The following ZNF354C variants were observed in gnomAD, a reference collection of about 807,000 sequenced individuals.
ZNF354C encodes the protein zinc finger protein 354C, also known as KRAB-zinc finger protein synten.
In ZNF354C, 7 loss-of-function variants were observed where a neutral mutation model predicts 12.4. The ratio of observed to expected loss-of-function variants is 0.56; its 90% CI spans 0.32 to 1.06. ZNF354C has a LOEUF of 1.06. ZNF354C is among the 50% of genes least tolerant of loss of function. ZNF354C has a pLI of 0.04. For synonymous variants in ZNF354C, 202 were observed against 224.5 expected (o/e 0.90, Z 0.90); for missense variants, 609 against 658.0 (o/e 0.93, Z 0.81).
rs762723780 is a variant in ZNF354C, at chr5:179,078,857, CTCT to C, written c.427_429del (p.Leu143del). 7 of 1,614,056 alleles carry C rather than the reference CTCT, an allele frequency of 4.3e-6. No individual in the cohort carries two copies. Among genetic ancestry groups the C allele is most frequent in the Middle Eastern group, 1.7e-4 (1 of 6,060 alleles). On this transcript the variant is annotated inframe_deletion, in exon 5 of 5. Transcript: ENST00000315475. ...ATAGAAGAAGAGCAAGAGAAGAAAC[CTCT>C]TAGACAAATGATAGATTCGCATGAG...
Position 179,080,119 on chromosome 5 carries a change from G to T in ZNF354C, c.*22G>T, listed in dbSNP as rs568412009. ...TTAGTTCATCTCTCAAATAATCCAA[G>T]ACTTCTCACTGGGGAATAAGGGAAT... is the stretch of plus-strand genomic sequence containing the variant. On this transcript the variant is annotated 3_prime_UTR_variant, in exon 5 of 5. Transcript: ENST00000315475. 1.3e-6 allele frequency: 2 copies of T among 1,486,844 alleles called. No homozygotes were observed. The highest frequency in any genetic ancestry group is 1.4e-5 in the African/African-American group (1 of 71,102). 92.1% of individuals were successfully genotyped at this position (1,486,844 alleles called of 1,614,324 possible).
intron 4 of ZNF354C, 30 bp downstream of exon 4, chr5:179,077,196 G>T: frequency 6.3e-7 from 1 of 1,581,360 alleles, no homozygotes; most frequent in Non-Finnish European, 8.7e-7. Flanking sequence ...ATGGGCACAA[G>T]GGGTTCTTTA....
rs1193690452 is a variant in ZNF354C at position 179,082,014 on chromosome 5, C to A, written c.*1917C>A. The A allele has an allele frequency of 6.6e-6, 1 of 152,068 alleles. No individual in the cohort carries two copies. Among genetic ancestry groups the A allele is most frequent in the African/African-American group, 2.4e-5 (1 of 41,394 alleles). 9.4% of individuals were successfully genotyped at this position (152,068 alleles called of 1,614,324 possible). ...AGTAGAGAAAAAAGAAAACTCTATA[C>A]AATTATTTGAAGAATGTCTTCTTTT... On this transcript the variant is annotated 3_prime_UTR_variant, in exon 5 of 5. Transcript: ENST00000315475.
At chr5:179,075,214 G>A (rs190883878) in intron 2 of ZNF354C, among the ~76,000 whole-genome samples, 46 of 151,702 alleles carry the variant, frequency 3.0e-4, no homozygotes, top group Admixed American at 1.2e-3. Flanking sequence ...AGCTGAGATC[G>A]CGCCACTGCA....
chr5:179,063,893 C>T (rs1269670425), intron 2 of ZNF354C, among the ~76,000 whole-genome samples: 3 of 152,316 alleles, frequency 2.0e-5, no homozygotes, highest in African/African-American at 4.8e-5. Flanking sequence ...GTATCAGTAA[C>T]AGCAGCAGCA....
In ZNF354C at chr5:179,079,236, A is replaced by G. The variant is rs559393785; in HGVS notation, c.804A>G (p.Gly268=). 9.9e-6 allele frequency: 16 copies of G among 1,613,986 alleles called. No homozygotes were observed. Among genetic ancestry groups the G allele is most frequent in the Non-Finnish European group, 8.5e-7 (1 of 1,180,008 alleles). ...TTTCTCATCAGAGAATTCATACTGG[A>G]GAGAAACCTTACAAGTGTAATGAAT... ...SLLSHQRIHT[G]EKPYKCNECE... Residue 268 remains glycine, a synonymous_variant, in exon 5 of 5, where the codon GGA becomes GGG. Coordinates refer to ENST00000315475, the MANE Select transcript of ZNF354C (RefSeq NM_014594.3). This position sits in a 1 kb window ranked among gnomAD's most constrained non-coding sequence, Gnocchi z 4.2.
At position 179,076,362 on chromosome 5, in the gene ZNF354C, G is replaced by A. The variant is rs909147295; in HGVS notation, c.28-83G>A. 8 of 1,585,834 alleles carry A rather than the reference G, an allele frequency of 5.0e-6. No individual in the cohort carries two copies. The Admixed American group carries it at 5.2e-5, about 10-fold the overall frequency. ...AATTATTAGAATCCTGAGATTTTCT[G>A]TACATCCCACTGTCACTTTCTTCCT... is the stretch of plus-strand genomic sequence containing the variant. On this transcript the variant is annotated intron_variant, in intron 2 of 4. Coordinates refer to ENST00000315475, the MANE Select transcript of ZNF354C (RefSeq NM_014594.3).
chr5:179,064,459 C>T (rs1761934750), intron 2 of ZNF354C, among the ~76,000 whole-genome samples: 1 of 151,902 alleles, frequency 6.6e-6, no homozygotes, highest in Non-Finnish European at 1.5e-5. Context: ...CTCAGTCGCC[C>T]AGGCTGGAGT....
At chr5:179,062,175 C>T (rs1761902862) in intron 2 of ZNF354C, 80 bp downstream of exon 2, 5 of 1,588,338 alleles carry the variant, frequency 3.1e-6, no homozygotes, top group Non-Finnish European at 4.3e-6. Flanking sequence ...AGACTTTGTC[C>T]AGGTACTTTT....
At chr5:179,067,506 C>T (rs193214515) in intron 2 of ZNF354C, among the ~76,000 whole-genome samples, 7 of 152,234 alleles carry the variant, frequency 4.6e-5, no homozygotes, top group Admixed American at 2.6e-4. Context: ...ACAAAGAGCA[C>T]GTAAGATGAG....
intron 3 of ZNF354C, 33 bp downstream of exon 3, chr5:179,076,604 T>A (rs1224235273): frequency 6.2e-7 from 1 of 1,610,998 alleles, no homozygotes. Flanking sequence ...AAGAATCTGT[T>A]ATAGGAACGC....
At chr5:179,062,233 C>A in intron 2 of ZNF354C, 138 bp downstream of exon 2, 1 of 1,116,372 alleles carries the variant, frequency 9.0e-7, no homozygotes, top group Non-Finnish European at 1.3e-6. Flanking sequence ...AAGTTTTTCC[C>A]AGTGTCTTGG....
At chr5:179,076,715 T>C (rs1762128966) in intron 3 of ZNF354C, 144 bp downstream of exon 3, 5 of 1,065,972 alleles carry the variant, frequency 4.7e-6, no homozygotes, top group Non-Finnish European at 5.4e-6. Context: ...TACATCTTTG[T>C]TGTGATGCCC....
At position 179,079,551 on chromosome 5, in the gene ZNF354C, A is replaced by C. The variant is rs1166924898; in HGVS notation, c.1119A>C (p.Glu373Asp). Residue 373 changes from glutamate to aspartate, a missense_variant, in exon 5 of 5, where the codon GAA (glutamate) becomes GAC (aspartate). Glu to Asp is a conservative substitution (Grantham distance 45, BLOSUM62 2). Transcript: ENST00000315475. This position sits in a 1 kb window ranked among gnomAD's most constrained non-coding sequence, Gnocchi z 4.2. ...KGYSQFTSLA[E>D]HQRFHTGEQL... The stretch of plus-strand genomic sequence containing the variant: ...ACAGCCAGTTTACATCTCTAGCTGA[A>C]CATCAGAGGTTTCATACTGGAGAAC... 6.2e-7 allele frequency: 1 copy of C among 1,614,082 alleles called. No individual in the cohort carries two copies. The highest frequency in any genetic ancestry group is 2.2e-5 in the East Asian group (1 of 44,894).
rs1762251238 is a variant in ZNF354C, at chr5:179,083,110, A to G, written c.*3013A>G. The G allele has an allele frequency of 6.9e-6, 4 of 576,638 alleles. No individual in the cohort carries two copies. In the Admixed American group the frequency reaches 1.1e-4, roughly 16 times the overall value. The allele number at this position is 576,638 out of a possible 1,614,324, so 35.7% of individuals were successfully genotyped here. A position where few individuals can be genotyped will look rare whatever the true frequency, so the allele number is the denominator to read the frequency against. On this transcript the variant is annotated 3_prime_UTR_variant, in exon 5 of 5. Transcript: ENST00000315475. ...TTGGCCCTGGTCTGGACTTTTCAAA[A>G]AGCAAATGTAGTAAAACAAAAAGTG...
chr5:179,070,761 A>G (rs1762035785), intron 2 of ZNF354C, among the ~76,000 whole-genome samples: 1 of 151,610 alleles, frequency 6.6e-6, no homozygotes, highest in Non-Finnish European at 1.5e-5. Context: ...TGAGAACATT[A>G]TAAGCATTTT....
intron 2 of ZNF354C, among the ~76,000 whole-genome samples, chr5:179,065,487 G>T (rs562044436): frequency 4.6e-5 from 7 of 152,106 alleles, no homozygotes; most frequent in South Asian, 2.1e-4. Flanking sequence ...TGCGATCTTG[G>T]CTCACTGCAA....
At chr5:179,077,859 G>A (rs552417558) in intron 4 of ZNF354C, among the ~76,000 whole-genome samples, 2 of 145,564 alleles carry the variant, frequency 1.4e-5, no homozygotes, top group East Asian at 4.1e-4. Context: ...AGGCCGGAGT[G>A]CAGTGGTGTG....
intron 2 of ZNF354C, among the ~76,000 whole-genome samples, chr5:179,064,716 T>C (rs1761939057): frequency 6.6e-6 from 1 of 152,046 alleles, no homozygotes; most frequent in African/African-American, 2.4e-5. Flanking sequence ...GCCCGGCCTA[T>C]GTAACCCTTT....
Sources: allele counts gnomAD v4.1 joint callset (sites outside exome capture counted in the v4.1 genomes callset), GRCh38; gene constraint gnomAD v4.1.1; non-coding constraint Gnocchi (gnomAD v3.1); transcripts MANE v1.5; gene names NCBI Gene and HGNC (gene_info 2026-07-23, HGNC 2026-07-21).